The following MAGI3 variants were observed in gnomAD, a reference collection of about 807,000 sequenced individuals.
MAGI3 encodes membrane-associated guanylate kinase, WW and PDZ domain-containing protein 3.
Under a neutral mutation model 121.8 loss-of-function variants are expected in MAGI3, and 43 were observed. That is an observed-to-expected ratio of 0.35 (90% CI 0.28 to 0.46). MAGI3 has a LOEUF of 0.46. MAGI3 is among the 20% of genes least tolerant of loss of function. The pLI, the probability that MAGI3 is intolerant of heterozygous loss-of-function variation, is 1.00. For missense variants in MAGI3, 1,547 were observed against 1,797.3 expected (o/e 0.86, Z 2.52); for synonymous variants, 553 against 639.3 (o/e 0.86, Z 2.04).
intron 9 of MAGI3, among the ~76,000 whole-genome samples, chr1:113,629,763 C>CT (rs143631602): frequency 5.8e-4 from 26 of 45,198 alleles, no homozygotes; most frequent in South Asian, 1.2e-3. Flanking sequence ...TCTCTCTCTC[C>CT]CTCCCTCCCT....
chr1:113,411,602 GAATTA>G (rs1363171420), intron 1 of MAGI3, among the ~76,000 whole-genome samples: 15 of 151,784 alleles, frequency 9.9e-5, no homozygotes, highest in African/African-American at 3.6e-4. Flanking sequence ...AAAAACTGCT[GAATTA>G]AATAAGCTAC....
intron 16 of MAGI3, among the ~76,000 whole-genome samples, chr1:113,671,377 G>C (rs1356203106): frequency 2.6e-5 from 4 of 152,056 alleles, no homozygotes; most frequent in Non-Finnish European, 4.4e-5. Flanking sequence ...CCAATTATTA[G>C]GTGTGTGCTC....
intron 13 of MAGI3, among the ~76,000 whole-genome samples, chr1:113,650,440 A>G (rs765805294): frequency 2.0e-5 from 3 of 152,246 alleles, no homozygotes; most frequent in Non-Finnish European, 4.4e-5. Context: ...TTGCCTAATT[A>G]CAGGATTCTA....
rs1054395386 is a variant in MAGI3, at chr1:113,684,632, T to G, written c.*618T>G. On this transcript the variant is annotated 3_prime_UTR_variant, in exon 21 of 21. Coordinates refer to ENST00000307546, the MANE Select transcript of MAGI3 (RefSeq NM_001142782.2). ...AAAAATGTAGTCCAATATTGATGCT[T>G]TCTTATGGCTTTTTATTTTAATTTG... 1 of 152,384 alleles carries G rather than the reference T, an allele frequency of 6.6e-6. No individual in the cohort carries two copies. Among genetic ancestry groups the G allele is most frequent in the African/African-American group, 2.4e-5 (1 of 41,474 alleles). 9.4% of individuals were successfully genotyped at this position (152,384 alleles called of 1,614,324 possible).
At chr1:113,486,144 C>T (rs976025834) in intron 1 of MAGI3, among the ~76,000 whole-genome samples, 6 of 151,992 alleles carry the variant, frequency 3.9e-5, no homozygotes, top group Non-Finnish European at 7.4e-5. Flanking sequence ...TTTGGCTATG[C>T]GGGCTCTTTT....
chr1:113,511,258 T>C (rs1469893703), intron 1 of MAGI3, among the ~76,000 whole-genome samples: 1 of 152,172 alleles, frequency 6.6e-6, no homozygotes, highest in Non-Finnish European at 1.5e-5. Context: ...TAGTTGTGGG[T>C]AGGGGGAGGT....
chr1:113,600,507 A>C (rs1185988395), intron 6 of MAGI3, among the ~76,000 whole-genome samples: 115 of 152,260 alleles, frequency 7.6e-4, no homozygotes, highest in Non-Finnish European at 1.2e-3. Flanking sequence ...TAGGAATCCA[A>C]CTTACAAGGG....
chr1:113,442,633 AT>A (rs1229895163), intron 1 of MAGI3, among the ~76,000 whole-genome samples: 3 of 151,826 alleles, frequency 2.0e-5, no homozygotes, highest in Non-Finnish European at 4.4e-5. Flanking sequence ...CAATGATCGT[AT>A]ATATAATGAT....
intron 1 of MAGI3, among the ~76,000 whole-genome samples, chr1:113,529,538 T>A (rs755679064): frequency 6.6e-6 from 1 of 152,118 alleles, no homozygotes; most frequent in Non-Finnish European, 1.5e-5. Flanking sequence ...ACCATTACAC[T>A]GGGGGTTAGG....
At position 113,472,626 on chromosome 1, in the gene MAGI3, T is replaced by G. The variant is rs536821147; in HGVS notation, c.317-76889T>G. Among the ~76,000 whole-genome samples, 196 of 151,998 alleles carry G rather than the reference T, an allele frequency of 1.3e-3. 1 individual carries two copies. Among genetic ancestry groups the G allele is most frequent in the African/African-American group, 4.4e-3 (181 of 41,464 alleles). Reference sequence around the variant, plus strand: ...TTTTTTTAATAATGATATGCTCTGATTCCTTCTTCTTTATGTTATTGTGTA... The same window carrying G: ...TTTTTTTAATAATGATATGCTCTGAGTCCTTCTTCTTTATGTTATTGTGTA... On this transcript the variant is annotated intron_variant, in intron 1 of 20. Coordinates refer to ENST00000307546, the MANE Select transcript of MAGI3 (RefSeq NM_001142782.2).
chr1:113,613,042 T>C lies in MAGI3; in HGVS notation c.1019-1559T>C, dbSNP rs1366978314. ...CTATTAAAGAAAAAAATATTTTTCA[T>C]GGAAGATCCATAACTGTTATAGTGC... On this transcript the variant is annotated intron_variant, in intron 6 of 20. Transcript: ENST00000307546. Among the ~76,000 whole-genome samples, 4 of 152,316 alleles carry C rather than the reference T, an allele frequency of 2.6e-5. No individual in the cohort carries two copies. The East Asian group carries it at 5.8e-4, about 22-fold the overall frequency.
intron 1 of MAGI3, among the ~76,000 whole-genome samples, chr1:113,407,269 A>G (rs1354076720): frequency 1.3e-5 from 2 of 152,162 alleles, no homozygotes; most frequent in African/African-American, 4.8e-5. Flanking sequence ...GCTTGGACTT[A>G]TAAGAATAGT....
At chr1:113,681,433 A>G in intron 20 of MAGI3, 97 bp downstream of exon 20, 1 of 1,324,136 alleles carries the variant, frequency 7.6e-7, no homozygotes, top group Middle Eastern at 1.9e-4. Context: ...ATATTTTACT[A>G]GTTAATTCAG....
chr1:113,577,647 G>T (rs912612902), intron 2 of MAGI3, among the ~76,000 whole-genome samples: 1 of 152,056 alleles, frequency 6.6e-6, no homozygotes, highest in Non-Finnish European at 1.5e-5. Flanking sequence ...TTTGTAAAGA[G>T]AATTAACATT....
chr1:113,668,569 C>CTTTTTTTTTTTTTTTTTTTTTTTTTTT, intron 16 of MAGI3, among the ~76,000 whole-genome samples: 1 of 94,850 alleles, frequency 1.1e-5, no homozygotes, highest in Non-Finnish European at 2.0e-5. Flanking sequence ...AAACATGTAA[C>CTTTTTTTTTTTTTTTTTTTTTTTTTTT]TTTTTTTTTT....
In MAGI3 at chr1:113,649,300, T is replaced by A. The variant is rs2101833876; in HGVS notation, c.2219T>A (p.Val740Glu). The A allele has an allele frequency of 6.2e-7, 1 of 1,613,194 alleles. No individual in the cohort carries two copies. The highest frequency in any genetic ancestry group is 8.5e-7 in the Non-Finnish European group (1 of 1,179,576). ...CAAGAGTCAGGGTTTGGCTTCAGGG[T>A]GCTAGGAGGAGATGGACCTGACCAG... Reference protein sequence around the residue: ...RKQESGFGFRVLGGDGPDQSI... With the variant: ...RKQESGFGFRELGGDGPDQSI... The change falls in exon 13 of 21, where the codon GTG becomes GAG. Residue 740 changes from valine to glutamate, a missense_variant. By Grantham distance (121) the Val-to-Glu change is moderately radical (BLOSUM62 -2). Coordinates refer to ENST00000307546, the MANE Select transcript of MAGI3 (RefSeq NM_001142782.2).
rs77997178 is a variant in MAGI3, at chr1:113,495,534, C to A, written c.317-53981C>A. 1.4e-3 allele frequency among the ~76,000 whole-genome samples: 209 copies of A among 152,138 alleles called. 1 individual carries two copies. Among genetic ancestry groups the A allele is most frequent in the African/African-American group, 4.7e-3 (195 of 41,502 alleles). On this transcript the variant is annotated intron_variant, in intron 1 of 20. Transcript: ENST00000307546. ...CTCTTCCACCCTTTCCCCCGAGTCCCCAAAGTCCATTGTACGAAGATACTG... is the reference window on the plus strand; with the variant it reads ...CTCTTCCACCCTTTCCCCCGAGTCCACAAAGTCCATTGTACGAAGATACTG...
chr1:113,392,758 A>AT, intron 1 of MAGI3, among the ~76,000 whole-genome samples: 1 of 152,164 alleles, frequency 6.6e-6, no homozygotes, highest in East Asian at 1.9e-4. Context: ...AGTTTTGAGA[A>AT]TTTGTAAATT....
chr1:113,580,534 T>C lies in MAGI3; in HGVS notation c.434-8T>C, dbSNP rs1277815138. 4 of 1,583,110 alleles carry C rather than the reference T, an allele frequency of 2.5e-6. No individual in the cohort carries two copies. Among genetic ancestry groups the C allele is most frequent in the Non-Finnish European group, 3.4e-6 (4 of 1,170,484 alleles). ...TTACAACCTACTTTTTTTTTTCTTT[T>C]TTCTTAGGCACTACAAGGGCCCCCA... On this transcript the variant is annotated splice_polypyrimidine_tract_variant and splice_region_variant and intron_variant, in intron 2 of 20. Transcript: ENST00000307546.
Sources: allele counts gnomAD v4.1 joint callset (sites outside exome capture counted in the v4.1 genomes callset), GRCh38; gene constraint gnomAD v4.1.1; transcripts MANE v1.5; gene names NCBI Gene and HGNC (gene_info 2026-07-23, HGNC 2026-07-21).